Variants in EIF4H observed in about 807,000 individuals in gnomAD.
EIF4H encodes eukaryotic translation initiation factor 4H.
In EIF4H, 8 loss-of-function variants were observed where a neutral mutation model predicts 30.6. The observed-to-expected ratio is 0.26, with a 90% CI of 0.15 to 0.47. EIF4H has a LOEUF of 0.47. Among genes scored for constraint, EIF4H ranks in the 20% least tolerant of loss-of-function variants. The pLI is 0.99. For synonymous variants in EIF4H, 106 were observed against 122.7 expected (o/e 0.86, Z 0.90); for missense variants, 188 against 339.5 (o/e 0.55, Z 3.51).
chr7:74,184,762 A>AG (rs1801045409), intron 1 of EIF4H, among the ~76,000 whole-genome samples: 1 of 152,074 alleles, frequency 6.6e-6, no homozygotes, highest in Admixed American at 6.6e-5. Context: ...GCTGAAGCGC[A>AG]GTGACACAGT....
chr7:74,182,512 C>T (rs886341998), intron 1 of EIF4H, among the ~76,000 whole-genome samples: 1 of 152,196 alleles, frequency 6.6e-6, no homozygotes, highest in African/African-American at 2.4e-5. Context: ...TTGGTTTACA[C>T]TACTTTACCC....
At chr7:74,188,360 G>A (rs1160035720) in intron 2 of EIF4H, among the ~76,000 whole-genome samples, 5 of 152,230 alleles carry the variant, frequency 3.3e-5, no homozygotes, top group Non-Finnish European at 5.9e-5. Context: ...GATCCGAGCA[G>A]CATTCTCCTG....
chr7:74,194,118 G>A (rs1801286880), intron 5 of EIF4H, among the ~76,000 whole-genome samples: 1 of 152,234 alleles, frequency 6.6e-6, no homozygotes, highest in Non-Finnish European at 1.5e-5. Context: ...CCCACAGGAG[G>A]CGCCGGTGGG....
At chr7:74,183,293 T>G (rs1305440895) in intron 1 of EIF4H, among the ~76,000 whole-genome samples, 1 of 152,160 alleles carries the variant, frequency 6.6e-6, no homozygotes, top group Admixed American at 6.6e-5. Context: ...AGCACAGACC[T>G]TGACTTCAGG....
At chr7:74,186,788 ATTTTTTTTTTTTTTTTTTTTT>A (rs564794579) in intron 1 of EIF4H, among the ~76,000 whole-genome samples, 1,152 of 70,016 alleles carry the variant, frequency 0.016, 178 homozygotes, top group African/African-American at 0.04. Context: ...ACAAGGAGAA[ATTTTTTTTTTTTTTTTTTTTT>A]TTTTTTTTTT....
At chr7:74,175,550 T>C (rs1339236951) in intron 1 of EIF4H, among the ~76,000 whole-genome samples, 1 of 152,212 alleles carries the variant, frequency 6.6e-6, no homozygotes, top group Non-Finnish European at 1.5e-5. Context: ...CTAATGTTCA[T>C]GATACTGTAA....
At chr7:74,190,362 C>T in intron 5 of EIF4H, 56 bp downstream of exon 5, 2 of 1,563,176 alleles carry the variant, frequency 1.3e-6, no homozygotes, top group South Asian at 1.1e-5. Context: ...TGCTGCTGTT[C>T]TCTGTTTCTT....
intron 1 of EIF4H, among the ~76,000 whole-genome samples, chr7:74,174,673 C>T (rs1800795518): frequency 8.8e-6 from 1 of 114,044 alleles, no homozygotes; most frequent in Non-Finnish European, 2.1e-5. Flanking sequence ...CCACTGCCTC[C>T]CGCCAACGAC....
intron 1 of EIF4H, among the ~76,000 whole-genome samples, chr7:74,186,788 A>AATTT (rs1801089805): frequency 1.0e-4 from 7 of 70,118 alleles, no homozygotes; most frequent in East Asian, 9.0e-4. Context: ...ACAAGGAGAA[A>AATTT]TTTTTTTTTT....
rs1164481996 is a variant in EIF4H, at chr7:74,196,842, CACTTA to C, written c.*1539_*1543del. ...ATAAGAACCATTTGTGTAACACCAACACTTAACTTCAGAAAGACATGCATTATGTG... is the reference window on the plus strand; with the variant it reads ...ATAAGAACCATTTGTGTAACACCAACACTTCAGAAAGACATGCATTATGTG... On this transcript the variant is annotated 3_prime_UTR_variant, in exon 7 of 7. Coordinates refer to ENST00000265753, the MANE Select transcript of EIF4H (RefSeq NM_022170.2). 11 of 152,432 alleles carry C rather than the reference CACTTA, an allele frequency of 7.2e-5. 1 individual carries two copies. The East Asian group carries it at 2.1e-3, about 29-fold the overall frequency. The allele number at this position is 152,432 out of a possible 1,614,324, so 9.4% of individuals were successfully genotyped here.
chr7:74,183,030 T>C (rs1199218255), intron 1 of EIF4H, among the ~76,000 whole-genome samples: 1 of 152,194 alleles, frequency 6.6e-6, no homozygotes, highest in Non-Finnish European at 1.5e-5. Context: ...ATCAGCTCCT[T>C]GAGGGCAGAA....
intron 5 of EIF4H, among the ~76,000 whole-genome samples, chr7:74,193,324 C>T (rs558813863): frequency 1.3e-5 from 2 of 152,328 alleles, no homozygotes; most frequent in East Asian, 3.9e-4. Context: ...CTGGGATCGT[C>T]GCATCTGTGC....
rs782106477 is a variant in EIF4H, at chr7:74,194,782, C to G, written c.511C>G (p.Pro171Ala). Reference sequence around the variant, plus strand: ...CTTAGGGGGCAGGGGAGGTAGTCGCCCAGGCGACCGGCGAACAGGCCCCCC... The same window carrying G: ...CTTAGGGGGCAGGGGAGGTAGTCGCGCAGGCGACCGGCGAACAGGCCCCCC... Reference protein sequence around the residue: ...DFLGGRGGSRPGDRRTGPPMG... With the variant: ...DFLGGRGGSRAGDRRTGPPMG... Residue 171 changes from proline to alanine, a missense_variant, in exon 6 of 7, where the codon CCA (proline) becomes GCA (alanine). Physicochemically the swap from Pro to Ala is conservative, Grantham distance 27. This residue lies in a region of EIF4H where 76 missense variants were observed against 85.8 expected (regional missense o/e 0.89). Transcript: ENST00000265753. The G allele has an allele frequency of 1.4e-5, 22 of 1,600,160 alleles. No individual in the cohort carries two copies.
chr7:74,182,699 C>T (rs527623995), intron 1 of EIF4H, among the ~76,000 whole-genome samples: 66 of 152,342 alleles, frequency 4.3e-4, no homozygotes, highest in African/African-American at 1.6e-3. Flanking sequence ...TGCCCATGCC[C>T]AGCCTTGAGC....
At chr7:74,186,177 A>G (rs1469208098) in intron 1 of EIF4H, among the ~76,000 whole-genome samples, 4 of 151,398 alleles carry the variant, frequency 2.6e-5, no homozygotes, top group Non-Finnish European at 5.9e-5. Flanking sequence ...GGGCATTCTT[A>G]TGGCAAATAT....
chr7:74,186,206 ATTT>A (rs1441115614), intron 1 of EIF4H, among the ~76,000 whole-genome samples: 2 of 150,536 alleles, frequency 1.3e-5, no homozygotes, highest in African/African-American at 4.9e-5. Context: ...ATAATAATCT[ATTT>A]ATACTATATT....
At chr7:74,189,242 A>AT (rs1554709558) in intron 2 of EIF4H, among the ~76,000 whole-genome samples, 1 of 152,184 alleles carries the variant, frequency 6.6e-6, no homozygotes, top group Non-Finnish European at 1.5e-5. Context: ...AGCAAATTTT[A>AT]TGTCAGTTAC....
chr7:74,185,657 A>G (rs1323076746), intron 1 of EIF4H, among the ~76,000 whole-genome samples: 1 of 152,146 alleles, frequency 6.6e-6, no homozygotes, highest in Non-Finnish European at 1.5e-5. Flanking sequence ...TTTGTCTGCA[A>G]GACACCTGGA....
chr7:74,187,952 C>G (rs1385183900), intron 2 of EIF4H, among the ~76,000 whole-genome samples, 154 bp downstream of exon 2: 2 of 152,164 alleles, frequency 1.3e-5, no homozygotes, highest in Non-Finnish European at 2.9e-5. Context: ...AAACATAACT[C>G]TTCAACTCAT....
Sources: gnomAD v4.1 joint callset for allele counts (sites outside exome capture counted in the v4.1 genomes callset) on GRCh38, gnomAD v4.1.1 for gene constraint, gnomAD v4.1.1 regional missense constraint, MANE v1.5 for transcripts, NCBI Gene and HGNC (gene_info 2026-07-23, HGNC 2026-07-21) for gene names.